The following PRKAG2 variants were observed in gnomAD, a reference collection of about 807,000 sequenced individuals.
PRKAG2 encodes the protein 5'-AMP-activated protein kinase subunit gamma-2.
PRKAG2 carries 26 observed loss-of-function variants against 69.6 expected under a neutral mutation model. That is an observed-to-expected ratio of 0.37 (90% confidence interval 0.27 to 0.52). The LOEUF (loss-of-function observed/expected upper bound fraction) is 0.52, where lower values mean the gene tolerates loss of function less well. PRKAG2 is among the 20% of genes least tolerant of loss of function. PRKAG2 has a pLI of 0.90. For missense variants in PRKAG2, 557 were observed against 740.0 expected, an observed-to-expected ratio of 0.75 and a Z score of 2.87; for synonymous variants, 293 against 285.0, an observed-to-expected ratio of 1.03 and a Z score of -0.28.
At chr7:151,576,218 G>A in intron 7 of PRKAG2, 153 bp downstream of exon 7, 1 of 806,470 alleles carries the variant, frequency 1.2e-6, no homozygotes, top group East Asian at 2.7e-5. Flanking sequence ...TGAGATTACG[G>A]GCATGGGCCA....
At chr7:151,793,857 A>G (rs2077371462) in intron 1 of PRKAG2, among the ~76,000 whole-genome samples, 2 of 152,246 alleles carry the variant, frequency 1.3e-5, no homozygotes, top group South Asian at 4.1e-4. Context: ...TCTCAGAAAA[A>G]TAAGGAACAA....
intron 15 of PRKAG2, chr7:151,558,907 G>A (rs191572038): frequency 1.1e-5 from 11 of 985,462 alleles, no homozygotes; most frequent in South Asian, 4.7e-5. Flanking sequence ...AAGAAACAGA[G>A]AGGATGAATC....
Position 151,780,553 on chromosome 7 carries a change from C to T in PRKAG2, c.466+599G>A, listed in dbSNP as rs188752608. Among the ~76,000 whole-genome samples the T allele has an allele frequency of 2.9e-3, 439 of 152,308 alleles. 6 individuals are homozygous for T. Among genetic ancestry groups the T allele is most frequent in the Admixed American group, 0.01 (158 of 15,296 alleles). ...CGGCGCTCAAATGAAAATACCTTATCCTCAGATCACAAACACTAATGAACC... is the reference window on the plus strand; with the variant it reads ...CGGCGCTCAAATGAAAATACCTTATTCTCAGATCACAAACACTAATGAACC... On this transcript the variant is annotated intron_variant, in intron 3 of 15. Coordinates refer to ENST00000287878, the MANE Select transcript of PRKAG2 (RefSeq NM_016203.4). The surrounding 1 kb of genome is among the most constrained non-coding windows in gnomAD (Gnocchi z 4.2).
In PRKAG2 at chr7:151,740,683, C is replaced by T. The variant is rs540153530; in HGVS notation, c.466+40469G>A. 4.9e-4 allele frequency among the ~76,000 whole-genome samples: 74 copies of T among 152,296 alleles called. 2 individuals carry two copies. The South Asian group carries it at 0.014, about 28-fold the overall frequency. ...AACAATGCTAACTGCATGAAAAAGC[C>T]GTGAGTATGTGAGCCGTGGCTGCAA... On this transcript the variant is annotated intron_variant, in intron 3 of 15. Transcript: ENST00000287878.
Position 151,687,547 on chromosome 7 carries a change from G to A in PRKAG2, c.467-11910C>T, listed in dbSNP as rs758536780. Among the ~76,000 whole-genome samples, 10 of 152,210 alleles carry A rather than the reference G, an allele frequency of 6.6e-5. No individual in the cohort carries two copies. The East Asian group carries it at 1.5e-3, about 23-fold the overall frequency. ...TGGTGCTGTGGAGATGAACTCTGCC[G>A]AATGTGATAGTCTGGAATGGGCCAG... On this transcript the variant is annotated intron_variant, in intron 3 of 15. Coordinates refer to ENST00000287878, the MANE Select transcript of PRKAG2 (RefSeq NM_016203.4).
Position 151,631,677 on chromosome 7 carries a change from A to G in PRKAG2, c.754+392T>C, listed in dbSNP as rs1201526706. 1.3e-5 allele frequency: 6 copies of G among 457,410 alleles called. No homozygotes were observed. In the East Asian group the frequency reaches 2.8e-4, roughly 21 times the overall value. 28.3% of individuals were successfully genotyped at this position (457,410 alleles called of 1,614,324 possible). The stretch of plus-strand genomic sequence containing the variant: ...CAGGCGCAGATAAGGGCACCAGTCT[A>G]TGATTAAAGGGTCTGGACTGTGGGT... On this transcript the variant is annotated intron_variant, in intron 5 of 15. Transcript: ENST00000287878.
In PRKAG2 at chr7:151,664,728, G is replaced by A. The variant is rs141213911; in HGVS notation, c.684+10692C>T. ...GAAAAAGATAATCACGGTGCACTCTGCCTCCCAATAGAGGTGCTATATGTA... is the reference window on the plus strand; with the variant it reads ...GAAAAAGATAATCACGGTGCACTCTACCTCCCAATAGAGGTGCTATATGTA... On this transcript the variant is annotated intron_variant, in intron 4 of 15. Coordinates refer to ENST00000287878, the MANE Select transcript of PRKAG2 (RefSeq NM_016203.4). Among the ~76,000 whole-genome samples, 278 of 152,328 alleles carry A rather than the reference G, an allele frequency of 1.8e-3. 1 individual carries two copies. The highest frequency in any genetic ancestry group is 6.1e-3 in the African/African-American group (252 of 41,574).
At chr7:151,868,403 C>T (rs577849506) in intron 1 of PRKAG2, among the ~76,000 whole-genome samples, 19 of 152,308 alleles carry the variant, frequency 1.2e-4, no homozygotes, top group Non-Finnish European at 2.1e-4. Context: ...CTAAGAACTC[C>T]GTATGGTTAA....
intron 3 of PRKAG2, among the ~76,000 whole-genome samples, chr7:151,747,253 A>G (rs1247854561): frequency 1.3e-5 from 2 of 152,222 alleles, no homozygotes; most frequent in Non-Finnish European, 2.9e-5. Context: ...GAGTGAAATT[A>G]CAGTACTTGG....
intron 3 of PRKAG2, among the ~76,000 whole-genome samples, chr7:151,776,009 G>A (rs968640756): frequency 7.2e-5 from 11 of 152,206 alleles, no homozygotes; most frequent in African/African-American, 2.7e-4. Context: ...ACAAATGAAC[G>A]GCCATCTGGA....
At chr7:151,857,905 G>C (rs976515891) in intron 1 of PRKAG2, among the ~76,000 whole-genome samples, 2 of 152,250 alleles carry the variant, frequency 1.3e-5, no homozygotes, top group African/African-American at 4.8e-5. Context: ...ATGGGGCATA[G>C]GAGACAAAGA....
At chr7:151,691,802 A>G (rs1243980047) in intron 3 of PRKAG2, among the ~76,000 whole-genome samples, 1 of 152,244 alleles carries the variant, frequency 6.6e-6, no homozygotes, top group Non-Finnish European at 1.5e-5. Flanking sequence ...CAACCTAGCG[A>G]TGCCACTCTT....
rs34905653 is a variant in PRKAG2 at position 151,575,985 on chromosome 7, AT to A, written c.946+385del. ...CTTACCCAGTATGTAAAAGCAAGGA[AT>A]TTTTTTTTTTTTTTTGACAGGGTCT... On this transcript the variant is annotated intron_variant, in intron 7 of 15. Transcript: ENST00000287878. 8.8e-3 allele frequency among the ~76,000 whole-genome samples: 1,258 copies of A among 142,228 alleles called. 9 individuals are homozygous for A. The highest frequency in any genetic ancestry group is 0.024 in the African/African-American group (942 of 38,624). The allele number at this position is 142,228 out of a possible 152,430, so 93.3% of individuals were successfully genotyped here. A position where few individuals can be genotyped will look rare whatever the true frequency, so the allele number is the denominator to read the frequency against.
chr7:151,638,526 CG>C lies in PRKAG2; in HGVS notation c.685-6389del, dbSNP rs199720352. ...GCGCACACCTGTAGTCCCAGCTACT[CG>C]GGAGGCTGAGGCAGGAGAATCGCTT... On this transcript the variant is annotated intron_variant, in intron 4 of 15. Coordinates refer to ENST00000287878, the MANE Select transcript of PRKAG2 (RefSeq NM_016203.4). The surrounding 1 kb of genome is among the most constrained non-coding windows in gnomAD (Gnocchi z 4.3). 6.6e-6 allele frequency among the ~76,000 whole-genome samples: 1 copy of C among 151,868 alleles called. No homozygotes were observed. Among genetic ancestry groups the C allele is most frequent in the East Asian group, 1.9e-4 (1 of 5,186 alleles).
At chr7:151,773,256 AAGAAAGAAAG>A (rs1339091404) in intron 3 of PRKAG2, among the ~76,000 whole-genome samples, 4 of 152,130 alleles carry the variant, frequency 2.6e-5, no homozygotes, top group East Asian at 1.9e-4. Flanking sequence ...GAAGGAAAGA[AAGAAAGAAAG>A]AGAAAGAAAG....
intron 3 of PRKAG2, among the ~76,000 whole-genome samples, chr7:151,684,871 G>GT (rs1390311802): frequency 6.6e-6 from 1 of 152,182 alleles, no homozygotes; most frequent in Admixed American, 6.5e-5. Context: ...TCCTGAGGGC[G>GT]TGGAGGCCAG....
At chr7:151,846,865 AGAG>A (rs1236537270) in intron 1 of PRKAG2, among the ~76,000 whole-genome samples, 7 of 152,234 alleles carry the variant, frequency 4.6e-5, no homozygotes, top group Admixed American at 2.0e-4. Flanking sequence ...TCATATTTGA[AGAG>A]GAGGACAGTC....
At chr7:151,623,397 TAAAG>T (rs1822008545) in intron 5 of PRKAG2, among the ~76,000 whole-genome samples, 1 of 106,634 alleles carries the variant, frequency 9.4e-6, no homozygotes, top group Admixed American at 1.0e-4. Flanking sequence ...AAAAAGCTCA[TAAAG>T]AGTGTGCAAC....
chr7:151,827,816 G>A (rs138177624), intron 1 of PRKAG2, among the ~76,000 whole-genome samples: 285 of 136,630 alleles, frequency 2.1e-3, no homozygotes, highest in African/African-American at 7.4e-3. Context: ...TCCAATGCCA[G>A]AGCCTACGTG....
Sources: allele counts gnomAD v4.1 joint callset (sites outside exome capture counted in the v4.1 genomes callset), GRCh38; gene constraint gnomAD v4.1.1; non-coding constraint Gnocchi (gnomAD v3.1); transcripts MANE v1.5; gene names NCBI Gene and HGNC (gene_info 2026-07-23, HGNC 2026-07-21).